MICAL2: variants seen among roughly 807,000 people sequenced by gnomAD.
The protein encoded by MICAL2 is microtubule associated monooxygenase, calponin and LIM domain containing 2, also known as [F-actin]-monooxygenase MICAL2.
Under a neutral mutation model 127.3 loss-of-function variants are expected in MICAL2, and 77 were observed. The ratio of observed to expected loss-of-function variants is 0.60; its 90% confidence interval spans 0.50 to 0.73. MICAL2 has a LOEUF of 0.73. Ranked by LOEUF, MICAL2 falls within the 30% of genes least tolerant of loss-of-function variation. The probability of loss-of-function intolerance (pLI) is 0.00; values close to 1 mark genes in which losing one functional copy is unlikely to be tolerated. For missense variants in MICAL2, 1,351 were observed against 1,434.4 expected, an observed-to-expected ratio of 0.94 and a Z score of 0.94; for synonymous variants, 570 against 551.1, an observed-to-expected ratio of 1.03 and a Z score of -0.48.
At chr11:12,287,508 T>A (rs1863840338), downstream of MICAL2, among the ~76,000 whole-genome samples, 1 of 152,118 alleles carries the variant, frequency 6.6e-6, no homozygotes, top group Non-Finnish European at 1.5e-5. Flanking sequence ...AGGAACTCTA[T>A]GATTTGATTC....
downstream of MICAL2, among the ~76,000 whole-genome samples, chr11:12,289,570 T>G (rs1405215374): frequency 1.4e-5 from 2 of 148,080 alleles, no homozygotes; most frequent in East Asian, 2.1e-4. Flanking sequence ...TTTTTTGTTT[T>G]TTTTTTTTTT....
chr11:12,262,848 T>C (rs1358828067), intron 27 of MICAL2: 9 of 291,220 alleles, frequency 3.1e-5, no homozygotes, highest in Non-Finnish European at 5.2e-5. Flanking sequence ...CCTACTTTCT[T>C]GGGAGGGTCG....
intron 29 of MICAL2, among the ~76,000 whole-genome samples, chr11:12,312,836 G>C (rs1864189083): frequency 6.6e-6 from 1 of 152,032 alleles, no homozygotes; most frequent in African/African-American, 2.4e-5. Context: ...CTTTATTTTG[G>C]GTATGGGGCA....
chr11:12,320,455 T>C (rs897634507), intron 30 of MICAL2, among the ~76,000 whole-genome samples: 1 of 152,132 alleles, frequency 6.6e-6, no homozygotes, highest in African/African-American at 2.4e-5. Context: ...GAGACAGACA[T>C]CCCATAACCA....
intron 27 of MICAL2, 89 bp downstream of exon 27, chr11:12,262,626 T>G: frequency 9.0e-7 from 1 of 1,110,202 alleles, no homozygotes; most frequent in Middle Eastern, 2.0e-4. Context: ...CAGTACTGGT[T>G]GCACTAACTG....
intron 2 of MICAL2, among the ~76,000 whole-genome samples, chr11:12,154,821 A>G (rs1407922807): frequency 6.6e-6 from 1 of 152,200 alleles, no homozygotes; most frequent in South Asian, 2.1e-4. Flanking sequence ...AATAGAAGTT[A>G]ACTGATTTAA....
rs1273040473 is a variant in MICAL2, at chr11:12,242,224, T to C, written c.2348T>C (p.Val783Ala). The C allele has an allele frequency of 1.2e-6, 2 of 1,606,210 alleles. No individual in the cohort carries two copies. The highest frequency in any genetic ancestry group is 1.3e-5 in the African/African-American group (1 of 74,758). ...TTCCCTCTTTCCCAGTTCCCCTCTG[T>C]GGTCGTGACGGGGCACGTGCTCAGA... ...SPPLKRQFPS[V>A]VVTGHVLREL... Residue 783 changes from valine to alanine, a missense_variant, in exon 19 of 28, where the codon GTG becomes GCG. Physicochemically the swap from Val to Ala is moderately conservative, Grantham distance 64. Transcript: ENST00000683283.
chr11:12,344,289 C>T (rs111869587), intron 32 of MICAL2, among the ~76,000 whole-genome samples: 2,363 of 151,658 alleles, frequency 0.016, 49 homozygotes, highest in African/African-American at 0.053. Flanking sequence ...GGGTGAGATT[C>T]GGTCTCAAAA....
At position 12,262,361 on chromosome 11, in the gene MICAL2, C is replaced by T. The variant is rs572205293; in HGVS notation, c.3335-119C>T. The T allele has an allele frequency of 8.3e-5, 129 of 1,558,656 alleles. No individual in the cohort carries two copies. The South Asian group carries it at 1.0e-3, about 12-fold the overall frequency. ...TCAGAGGAAGTTTCCCTCTTTCAAT[C>T]GTGGCCTTATTTTCAACTCCGGTGC... On this transcript the variant is annotated intron_variant, in intron 26 of 27. Transcript: ENST00000683283.
At chr11:12,255,351 A>G (rs1862183505) in intron 22 of MICAL2, 2 of 396,744 alleles carry the variant, frequency 5.0e-6, no homozygotes, top group South Asian at 5.8e-5. Flanking sequence ...AACAACAGCA[A>G]CCACTGTTCT....
chr11:12,190,201 C>T (rs1366014446), intron 3 of MICAL2, among the ~76,000 whole-genome samples: 1 of 152,082 alleles, frequency 6.6e-6, no homozygotes, highest in Non-Finnish European at 1.5e-5. Context: ...CTCTAAGGGG[C>T]TCGCTGTTCT....
chr11:12,226,193 G>A lies in MICAL2; in HGVS notation c.1711G>A (p.Asp571Asn). 6.2e-7 allele frequency: 1 copy of A among 1,614,254 alleles called. No homozygotes were observed. Among genetic ancestry groups the A allele is most frequent in the Non-Finnish European group, 8.5e-7 (1 of 1,180,044 alleles). Residue 571 changes from aspartate to asparagine, a missense_variant, in exon 14 of 28, where the codon GAT becomes AAT. By Grantham distance (23) the Asp-to-Asn change is conservative. Around this residue, in one of 2 missense-constraint regions of MICAL2, gnomAD observed 752 missense variants for 719.4 expected, o/e 1.05. Transcript: ENST00000683283. ...ELINFDSLNEDDAVENNQLAF... is the reference protein window; with the variant it reads ...ELINFDSLNENDAVENNQLAF... ...TAGCAACTTTGACTCTTTGAATGAA[G>A]ATGATGCTGTGGAGAACAACCAGCT...
At chr11:12,184,483 A>C (rs1441347128) in intron 3 of MICAL2, among the ~76,000 whole-genome samples, 1 of 152,232 alleles carries the variant, frequency 6.6e-6, no homozygotes, top group Non-Finnish European at 1.5e-5. Context: ...CGGGAGAGGT[A>C]AACTAAGGAA....
chr11:12,195,704 TC>T (rs1336205115), intron 3 of MICAL2, among the ~76,000 whole-genome samples: 1 of 93,436 alleles, frequency 1.1e-5, no homozygotes, highest in African/African-American at 4.0e-5. Context: ...GCAATAGATT[TC>T]TTTTTTTTTT....
chr11:12,260,941 G>A, intron 26 of MICAL2: 9 of 985,474 alleles, frequency 9.1e-6, no homozygotes, highest in African/African-American at 3.5e-5. Context: ...TGCAGGGAAA[G>A]CCCATTGGCA....
intron 31 of MICAL2, among the ~76,000 whole-genome samples, chr11:12,325,010 T>C (rs913157528): frequency 1.3e-5 from 2 of 150,116 alleles, no homozygotes; most frequent in Non-Finnish European, 3.0e-5. Flanking sequence ...CAGATGGTTG[T>C]GATGAGAGAG....
upstream of MICAL2, among the ~76,000 whole-genome samples, chr11:12,272,668 T>A (rs35893429): frequency 1.8e-3 from 275 of 152,284 alleles, no homozygotes; most frequent in South Asian, 3.3e-3. Context: ...AGTCTGTGGG[T>A]TGACTGAGTA....
chr11:12,287,372 T>TC (rs1401790626), downstream of MICAL2: 3 of 364,832 alleles, frequency 8.2e-6, no homozygotes, highest in Non-Finnish European at 1.5e-5. Context: ...GATCTTCCCA[T>TC]CCCCCTCCAC....
chr11:12,120,349 A>G (rs1291028646), intron 1 of MICAL2, among the ~76,000 whole-genome samples: 1 of 152,156 alleles, frequency 6.6e-6, no homozygotes, highest in Non-Finnish European at 1.5e-5. Flanking sequence ...GGAGGAGGGA[A>G]TCCTGAGAGA....
Sources: gnomAD v4.1 joint callset for allele counts (sites outside exome capture counted in the v4.1 genomes callset) on GRCh38, gnomAD v4.1.1 for gene constraint, gnomAD v4.1.1 regional missense constraint, MANE v1.5 for transcripts, NCBI Gene and HGNC (gene_info 2026-07-23, HGNC 2026-07-21) for gene names.